CSMD3: variants seen among roughly 807,000 people sequenced by gnomAD.
CSMD3 encodes CUB and Sushi multiple domains 3.
Under a neutral mutation model 435.2 loss-of-function variants are expected in CSMD3, and 177 were observed. That is an observed-to-expected ratio of 0.41 (90% confidence interval 0.36 to 0.46). The LOEUF is 0.46. Among genes scored for constraint, CSMD3 ranks in the 20% least tolerant of loss-of-function variants. CSMD3 has a pLI of 0.34. For missense variants in CSMD3, 4,265 were observed against 4,504.6 expected (o/e 0.95, Z 1.52); for synonymous variants, 1,656 against 1,520.5 (o/e 1.09, Z -2.07).
chr8:112,228,950 T>G (rs1427652011), intron 69 of CSMD3, 59 bp from the exon 70 acceptor site: 2 of 911,304 alleles, frequency 2.2e-6, no homozygotes, highest in Admixed American at 4.1e-5. Flanking sequence ...TAATTTCTAC[T>G]CCCATGAATC....
intron 1 of CSMD3, among the ~76,000 whole-genome samples, chr8:113,379,565 G>A (rs2094406088): frequency 6.6e-6 from 1 of 152,120 alleles, no homozygotes; most frequent in Admixed American, 6.5e-5. Flanking sequence ...TTTAGCTCTA[G>A]CACCTAAGCA....
chr8:112,870,467 G>A (rs943991695), intron 10 of CSMD3, among the ~76,000 whole-genome samples: 31 of 151,490 alleles, frequency 2.0e-4, no homozygotes, highest in Admixed American at 6.6e-4. Context: ...TAGTAGAGAC[G>A]GGGTTTCACA....
At chr8:113,177,579 G>A (rs2131909557) in intron 3 of CSMD3, among the ~76,000 whole-genome samples, 1 of 152,080 alleles carries the variant, frequency 6.6e-6, no homozygotes, top group Non-Finnish European at 1.5e-5. Context: ...AGGGGAGGCA[G>A]TACTTTAAAA....
chr8:112,414,830 C>T lies in CSMD3; in HGVS notation c.5396-5798G>A, dbSNP rs148321104. Among the ~76,000 whole-genome samples, 1,219 of 152,292 alleles carry T rather than the reference C, an allele frequency of 8.0e-3. 23 individuals carry two copies. The highest frequency in any genetic ancestry group is 0.027 in the African/African-American group (1,131 of 41,554). The stretch of plus-strand genomic sequence containing the variant: ...GTTGAGAACTAGAATAAAGGTGATT[C>T]TTTCTCTGCTTTAGTAAAGAGACTG... On this transcript the variant is annotated intron_variant, in intron 32 of 70. Transcript: ENST00000297405.
At position 113,410,900 on chromosome 8, in the gene CSMD3, TGAAAGAAAGAAAGAAAGAAAGAAA is replaced by T. The variant is rs60929996; in HGVS notation, c.178+25753_178+25776del. On this transcript the variant is annotated intron_variant, in intron 1 of 70. Transcript: ENST00000297405. ...AGCCTTGTGACAGAGCAAAACCCTG[TGAAAGAAAGAAAGAAAGAAAGAAA>T]GAAAGAAAGAAAGAAAGAAAGAAAG... Among the ~76,000 whole-genome samples the T allele has an allele frequency of 2.8e-4, 30 of 105,482 alleles. No individual in the cohort carries two copies. The South Asian group carries it at 5.7e-3, about 20-fold the overall frequency. 69.2% of individuals were successfully genotyped at this position (105,482 alleles called of 152,430 possible).
chr8:112,433,920 A>T (rs1814031235), intron 32 of CSMD3, among the ~76,000 whole-genome samples: 1 of 151,836 alleles, frequency 6.6e-6, no homozygotes, highest in Admixed American at 6.6e-5. Context: ...GTTATTGTTG[A>T]ATTTATTTGC....
At chr8:112,943,924 T>C (rs2130780198) in intron 9 of CSMD3, among the ~76,000 whole-genome samples, 1 of 151,730 alleles carries the variant, frequency 6.6e-6, no homozygotes, top group Admixed American at 6.6e-5. Flanking sequence ...ACTAGCAAGT[T>C]CCCAAATGCA....
intron 1 of CSMD3, among the ~76,000 whole-genome samples, chr8:113,383,803 A>G (rs2094427754): frequency 6.6e-6 from 1 of 152,056 alleles, no homozygotes; most frequent in Admixed American, 6.6e-5. Flanking sequence ...ATTATCAGTA[A>G]TTCTGGATCT....
intron 3 of CSMD3, among the ~76,000 whole-genome samples, chr8:113,273,510 C>T (rs1218065908): frequency 1.3e-5 from 2 of 152,066 alleles, no homozygotes; most frequent in African/African-American, 4.8e-5. Context: ...TGTTCTGCCC[C>T]ACCCATCCCT....
At chr8:112,905,340 ATATATAT>A (rs2082231246) in intron 10 of CSMD3, among the ~76,000 whole-genome samples, 1 of 150,618 alleles carries the variant, frequency 6.6e-6, no homozygotes, top group African/African-American at 2.4e-5. Flanking sequence ...ACACACACAC[ATATATAT>A]CAAAAGTCAA....
At chr8:113,210,224 A>C (rs1396986511) in intron 3 of CSMD3, among the ~76,000 whole-genome samples, 2 of 152,002 alleles carry the variant, frequency 1.3e-5, no homozygotes, top group African/African-American at 4.8e-5. Flanking sequence ...GATTTCCTAA[A>C]CTAGAAATTT....
chr8:112,990,120 T>G (rs1204226323), intron 6 of CSMD3, among the ~76,000 whole-genome samples: 1 of 152,002 alleles, frequency 6.6e-6, no homozygotes, highest in Non-Finnish European at 1.5e-5. Flanking sequence ...AATTAAAATT[T>G]TTCCTTTATA....
intron 3 of CSMD3, among the ~76,000 whole-genome samples, chr8:113,266,253 G>C (rs1408555379): frequency 6.7e-6 from 1 of 148,316 alleles, no homozygotes; most frequent in Non-Finnish European, 1.5e-5. Flanking sequence ...GTTTGACAGA[G>C]AACTAAATAG....
At chr8:112,387,987 A>G (rs934449479) in intron 36 of CSMD3, among the ~76,000 whole-genome samples, 11 of 152,214 alleles carry the variant, frequency 7.2e-5, no homozygotes, top group African/African-American at 2.7e-4. Flanking sequence ...ATTAGTAGTA[A>G]CATTGAAATA....
intron 32 of CSMD3, among the ~76,000 whole-genome samples, chr8:112,460,760 T>C (rs1817368972): frequency 6.6e-6 from 1 of 152,176 alleles, no homozygotes. Flanking sequence ...GGTATTTTAG[T>C]ATAAACCACA....
intron 1 of CSMD3, among the ~76,000 whole-genome samples, chr8:113,382,137 T>G (rs1240564554): frequency 2.0e-5 from 3 of 152,162 alleles, no homozygotes; most frequent in Non-Finnish European, 4.4e-5. Flanking sequence ...TGGAATTGTT[T>G]TTACAAAATT....
At chr8:112,661,405 G>T (rs576667377) in intron 17 of CSMD3, among the ~76,000 whole-genome samples, 6 of 152,254 alleles carry the variant, frequency 3.9e-5, no homozygotes, top group Admixed American at 3.9e-4. Flanking sequence ...GACAGCAGAT[G>T]CATGCTAAGA....
At chr8:112,947,762 T>C (rs1334291739) in intron 9 of CSMD3, 28 bp downstream of exon 9, 1 of 894,262 alleles carries the variant, frequency 1.1e-6, no homozygotes, top group Admixed American at 1.7e-5. Context: ...ACAAGATAAA[T>C]AATGAAGTCA....
At chr8:113,141,716 T>C (rs1322543364) in intron 4 of CSMD3, among the ~76,000 whole-genome samples, 1 of 151,060 alleles carries the variant, frequency 6.6e-6, no homozygotes, top group East Asian at 1.9e-4. Flanking sequence ...AAATAACCTA[T>C]AGATAAATTT....
Sources: allele counts gnomAD v4.1 joint callset (sites outside exome capture counted in the v4.1 genomes callset), GRCh38; gene constraint gnomAD v4.1.1; transcripts MANE v1.5; gene names NCBI Gene and HGNC (gene_info 2026-07-23, HGNC 2026-07-21).